The following RSF1 variants were observed in gnomAD, a reference collection of about 807,000 sequenced individuals.
RSF1 encodes HBV pX-associated protein 8.
RSF1 carries 13 observed loss-of-function variants against 145.2 expected under a neutral mutation model. The ratio of observed to expected loss-of-function variants is 0.09; its 90% CI spans 0.06 to 0.14. The LOEUF (loss-of-function observed/expected upper bound fraction) is 0.14, where lower values mean the gene tolerates loss of function less well. Among genes scored for constraint, RSF1 ranks in the 10% least tolerant of loss-of-function variants. The probability of loss-of-function intolerance (pLI) is 1.00; values close to 1 mark genes in which losing one functional copy is unlikely to be tolerated. For synonymous variants in RSF1, 577 were observed against 592.6 expected, an observed-to-expected ratio of 0.97 and a Z score of 0.38; for missense variants, 1,517 against 1,718.2, an observed-to-expected ratio of 0.88 and a Z score of 2.07.
At chr11:77,783,311 T>C (rs1025855653) in intron 1 of RSF1, among the ~76,000 whole-genome samples, 6 of 152,230 alleles carry the variant, frequency 3.9e-5, no homozygotes, top group African/African-American at 1.4e-4. Flanking sequence ...TAAAAAGACT[T>C]TTTTAAAATT....
intron 1 of RSF1, among the ~76,000 whole-genome samples, chr11:77,780,784 C>A (rs1281026589): frequency 6.8e-6 from 1 of 146,690 alleles, no homozygotes; most frequent in Non-Finnish European, 1.5e-5. Context: ...AAGATCATGC[C>A]ACTGCACTAC....
chr11:77,676,130 T>C (rs1239001674), intron 13 of RSF1, among the ~76,000 whole-genome samples: 1 of 152,212 alleles, frequency 6.6e-6, no homozygotes, highest in Non-Finnish European at 1.5e-5. Flanking sequence ...CTGCTTTTAG[T>C]CTCATACTTG....
chr11:77,776,990 T>C (rs1193772455), intron 1 of RSF1, among the ~76,000 whole-genome samples: 1 of 152,036 alleles, frequency 6.6e-6, no homozygotes, highest in Non-Finnish European at 1.5e-5. Context: ...CCCAGCAAAA[T>C]GGTGACACTA....
the RSF1 span, among the ~76,000 whole-genome samples, chr11:77,864,015 C>T: frequency 6.6e-6 from 1 of 151,310 alleles, no homozygotes; most frequent in African/African-American, 2.4e-5. Flanking sequence ...CAACCTCTGC[C>T]TCCCATGTTT....
At position 77,663,181 on chromosome 11, in the gene RSF1, AG is replaced by A. The variant is rs1381173799; in HGVS notation, c.*3735del. The A allele has an allele frequency of 2.0e-5, 3 of 152,170 alleles. No individual in the cohort carries two copies. The highest frequency in any genetic ancestry group is 2.9e-5 in the Non-Finnish European group (2 of 68,030). The allele number at this position is 152,170 out of a possible 1,614,324, so 9.4% of individuals were successfully genotyped here. A position where few individuals can be genotyped will look rare whatever the true frequency, so the allele number is the denominator to read the frequency against. On this transcript the variant is annotated 3_prime_UTR_variant, in exon 16 of 16. Transcript: ENST00000308488. ...TGAATATTAAACTTGTAGATTCATT[AG>A]GTTCTTTACAGTTGTGTGGTAGAAT...
chr11:77,722,783 G>C (rs933451647), intron 5 of RSF1, among the ~76,000 whole-genome samples: 1 of 152,174 alleles, frequency 6.6e-6, no homozygotes, highest in African/African-American at 2.4e-5. Flanking sequence ...GTTAGCTGTT[G>C]TTATTGTTGA....
Position 77,672,178 on chromosome 11 carries a change from C to T in RSF1, c.3615G>A (p.Arg1205=). The T allele has an allele frequency of 6.2e-7, 1 of 1,611,576 alleles. No homozygotes were observed. The highest frequency in any genetic ancestry group is 8.5e-7 in the Non-Finnish European group (1 of 1,179,374). Reference sequence around the variant, plus strand: ...GTCTTTTCTGATTTCTCCTTGACCGCCTTCGCCGAGTTTCTACAAAATCAT... The same window carrying T: ...GTCTTTTCTGATTTCTCCTTGACCGTCTTCGCCGAGTTTCTACAAAATCAT... ...FSDDFVETRR[R]RSRRNQKRQI... Residue 1205 remains arginine, a synonymous_variant, in exon 15 of 16, where the codon AGG becomes AGA. Coordinates refer to ENST00000308488, the MANE Select transcript of RSF1 (RefSeq NM_016578.4).
At chr11:77,869,730 T>C in the RSF1 span, 2 of 1,613,834 alleles carry the variant, frequency 1.2e-6, no homozygotes, top group Non-Finnish European at 1.7e-6. Flanking sequence ...AGCATTCTCC[T>C]GGTGTGCAGC....
At position 77,755,766 on chromosome 11, in the gene RSF1, G is replaced by C. The variant is rs1365724268; in HGVS notation, c.280-8638C>G. ...GGCTAATTTTTGTATTTTTAGTAGA[G>C]ATGGGGTTTCACCATGTTGGCCAGG... On this transcript the variant is annotated intron_variant, in intron 2 of 15. Coordinates refer to ENST00000308488, the MANE Select transcript of RSF1 (RefSeq NM_016578.4). 1.3e-5 allele frequency among the ~76,000 whole-genome samples: 2 copies of C among 152,032 alleles called. 1 individual carries two copies. Among genetic ancestry groups the C allele is most frequent in the Non-Finnish European group, 2.9e-5 (2 of 68,002 alleles).
chr11:77,799,898 T>C (rs1948610187), intron 1 of RSF1, among the ~76,000 whole-genome samples: 1 of 152,094 alleles, frequency 6.6e-6, no homozygotes. Context: ...ACAAATTAGA[T>C]AACCTGGATG....
chr11:77,853,316 G>A, the RSF1 span, among the ~76,000 whole-genome samples: 1 of 152,122 alleles, frequency 6.6e-6, no homozygotes, highest in Non-Finnish European at 1.5e-5. Context: ...GTTTCCATAG[G>A]CTGTACAGGA....
Position 77,702,421 on chromosome 11 carries a change from C to G in RSF1, c.808G>C (p.Val270Leu). The change falls in exon 6 of 16, where the codon GTT becomes CTT. Residue 270 changes from valine to leucine, a missense_variant. This residue lies in a region of RSF1 where 207 missense variants were observed against 191.4 expected (regional missense o/e 1.08). Coordinates refer to ENST00000308488, the MANE Select transcript of RSF1 (RefSeq NM_016578.4). ...MDLENRSTAN[V>L]LEETTVKKEK... Reference sequence around the variant, plus strand: ...TTTTTCACAGTAGTCTCTTCTAGAACATTGGCTGTAGAACGGTTTTCTAAA... The same window carrying G: ...TTTTTCACAGTAGTCTCTTCTAGAAGATTGGCTGTAGAACGGTTTTCTAAA... 1 of 1,594,520 alleles carries G rather than the reference C, an allele frequency of 6.3e-7. No homozygotes were observed. Among genetic ancestry groups the G allele is most frequent in the Non-Finnish European group, 8.5e-7 (1 of 1,175,494 alleles).
rs952733339 is a variant in RSF1 at position 77,722,733 on chromosome 11, T to C, written c.733+2812A>G. Among the ~76,000 whole-genome samples the C allele has an allele frequency of 6.6e-5, 10 of 152,334 alleles. No homozygotes were observed. In the East Asian group the frequency reaches 1.7e-3, roughly 26 times the overall value. On this transcript the variant is annotated intron_variant, in intron 5 of 15. Coordinates refer to ENST00000308488, the MANE Select transcript of RSF1 (RefSeq NM_016578.4). ...ATTAAATGAAAATCCATATGCAGCA[T>C]TTGGTAGACTGCAAAGAAAACAGGA...
chr11:77,784,178 C>G (rs1948432215), intron 1 of RSF1, among the ~76,000 whole-genome samples: 1 of 152,148 alleles, frequency 6.6e-6, no homozygotes, highest in African/African-American at 2.4e-5. Flanking sequence ...CAGTGAAGCA[C>G]TTGATTATTT....
At chr11:77,868,354 C>T in the RSF1 span, among the ~76,000 whole-genome samples, 5 of 143,174 alleles carry the variant, frequency 3.5e-5, no homozygotes, top group Admixed American at 7.2e-5. Context: ...CACGCCCAGC[C>T]GCCTTTTTTT....
the RSF1 span, among the ~76,000 whole-genome samples, chr11:77,861,908 C>T: frequency 6.6e-6 from 1 of 152,194 alleles, no homozygotes; most frequent in East Asian, 1.9e-4. Flanking sequence ...CTAATGTCTG[C>T]AGCTGACTGA....
At chr11:77,770,466 C>G (rs1007147054) in intron 1 of RSF1, among the ~76,000 whole-genome samples, 1 of 152,056 alleles carries the variant, frequency 6.6e-6, no homozygotes, top group Non-Finnish European at 1.5e-5. Context: ...AAAAACAAAA[C>G]AAAACAAAAC....
chr11:77,742,655 C>A (rs570386351), intron 3 of RSF1, among the ~76,000 whole-genome samples: 1 of 152,316 alleles, frequency 6.6e-6, no homozygotes, highest in South Asian at 2.1e-4. Flanking sequence ...GCCATCCTAA[C>A]AAGCATGAAG....
Position 77,764,692 on chromosome 11 carries a change from TAAAAG to T in RSF1, c.188-8_188-4del. On this transcript the variant is annotated splice_polypyrimidine_tract_variant and splice_region_variant and intron_variant, in intron 1 of 15. Transcript: ENST00000308488. The stretch of plus-strand genomic sequence containing the variant: ...GAGCTCCACCAATTCTTTTGGTACT[TAAAAG>T]AAAGAAAAAAAATATCATTAGCCAA... 3 of 1,556,804 alleles carry T rather than the reference TAAAAG, an allele frequency of 1.9e-6. No individual in the cohort carries two copies. Among genetic ancestry groups the T allele is most frequent in the Non-Finnish European group, 2.6e-6 (3 of 1,140,352 alleles).
Sources: allele counts gnomAD v4.1 joint callset (sites outside exome capture counted in the v4.1 genomes callset), GRCh38; gene constraint gnomAD v4.1.1; regional missense constraint gnomAD v4.1.1; transcripts MANE v1.5; gene names NCBI Gene and HGNC (gene_info 2026-07-23, HGNC 2026-07-21).